The following SCHIP1 variants were observed in gnomAD, a reference collection of about 807,000 sequenced individuals.
SCHIP1 encodes the protein schwannomin-interacting protein 1.
In SCHIP1, 8 loss-of-function variants were observed where a neutral mutation model predicts 29.7. The ratio of observed to expected loss-of-function variants is 0.27; its 90% CI spans 0.16 to 0.49. The LOEUF is 0.49. SCHIP1 is among the 20% of genes least tolerant of loss of function. The pLI is 0.99. For missense variants in SCHIP1, 193 were observed against 294.6 expected (o/e 0.66, Z 2.52); for synonymous variants, 76 against 94.9 (o/e 0.80, Z 1.16).
At chr3:159,672,415 A>G in the SCHIP1 span, among the ~76,000 whole-genome samples, 13 of 152,386 alleles carry the variant, frequency 8.5e-5, no homozygotes, top group East Asian at 2.5e-3. Flanking sequence ...GGGTGCTGCT[A>G]TTTACACCAT....
chr3:159,507,723 A>G, the SCHIP1 span, among the ~76,000 whole-genome samples: 1 of 152,206 alleles, frequency 6.6e-6, no homozygotes, highest in Admixed American at 6.5e-5. Flanking sequence ...TATTGAGATA[A>G]TCATGTGGTT....
At chr3:159,650,851 CAT>C in the SCHIP1 span, among the ~76,000 whole-genome samples, 1 of 152,126 alleles carries the variant, frequency 6.6e-6, no homozygotes. Flanking sequence ...TTATGGGAAA[CAT>C]GTGGTACTGT....
chr3:159,336,964 T>C, the SCHIP1 span, among the ~76,000 whole-genome samples: 1,633 of 152,146 alleles, frequency 0.011, 16 homozygotes, highest in South Asian at 0.031. Context: ...ATTGATTCTT[T>C]ATACCCATGA....
At chr3:159,668,763 C>A in the SCHIP1 span, among the ~76,000 whole-genome samples, 1 of 152,124 alleles carries the variant, frequency 6.6e-6, no homozygotes, top group Admixed American at 6.5e-5. Context: ...GCTTTCCCTT[C>A]GACTCTTTCC....
the SCHIP1 span, chr3:159,765,299 G>C: frequency 1.2e-6 from 1 of 828,348 alleles, no homozygotes; most frequent in South Asian, 1.9e-5. Context: ...CTCCCCTGGG[G>C]ATAAGGTTGC....
chr3:159,546,592 GC>G, the SCHIP1 span, among the ~76,000 whole-genome samples: 2 of 152,008 alleles, frequency 1.3e-5, no homozygotes, highest in Non-Finnish European at 2.9e-5. Flanking sequence ...CTGCTGACAG[GC>G]CCTGGTGTGT....
intron 6 of SCHIP1, 47 bp from the exon 8 acceptor site, chr3:159,896,676 T>C: frequency 6.6e-7 from 1 of 1,521,514 alleles, no homozygotes. Flanking sequence ...AAAAGCAGTT[T>C]GGATCTCTCT....
At chr3:159,416,811 G>T in the SCHIP1 span, among the ~76,000 whole-genome samples, 1 of 152,134 alleles carries the variant, frequency 6.6e-6, no homozygotes, top group Non-Finnish European at 1.5e-5. Context: ...TCTGGGCAGG[G>T]CATTAAATTA....
At chr3:159,332,435 A>C in the SCHIP1 span, among the ~76,000 whole-genome samples, 2 of 152,160 alleles carry the variant, frequency 1.3e-5, no homozygotes, top group Non-Finnish European at 2.9e-5. Context: ...CCATTAAATC[A>C]TGTTAATTTT....
At chr3:159,633,317 A>G in the SCHIP1 span, among the ~76,000 whole-genome samples, 2 of 152,216 alleles carry the variant, frequency 1.3e-5, no homozygotes, top group African/African-American at 4.8e-5. Flanking sequence ...CCAGAGGGTG[A>G]CATGTATTAA....
chr3:159,833,663 T>G, the SCHIP1 span, among the ~76,000 whole-genome samples: 1 of 152,178 alleles, frequency 6.6e-6, no homozygotes, highest in African/African-American at 2.4e-5. Context: ...TTTTTACAGC[T>G]TCAACTGTCC....
the SCHIP1 span, chr3:159,764,943 T>A: frequency 6.7e-7 from 1 of 1,492,122 alleles, no homozygotes; most frequent in Non-Finnish European, 8.9e-7. The surrounding 1 kb of genome is among the most constrained non-coding windows in gnomAD (Gnocchi z 6.1). Context: ...CCCAGCCGGC[T>A]GGGGGCCGGC....
the SCHIP1 span, among the ~76,000 whole-genome samples, chr3:159,509,616 T>G: frequency 4.1e-4 from 62 of 152,352 alleles, no homozygotes; most frequent in Non-Finnish European, 8.5e-4. Flanking sequence ...TGGTTGTTCC[T>G]TTCCACGTTT....
chr3:159,895,933 T>C (rs573230994), intron 6 of SCHIP1, among the ~76,000 whole-genome samples: 1 of 152,292 alleles, frequency 6.6e-6, no homozygotes, highest in South Asian at 2.1e-4. Context: ...TGACCTCAGG[T>C]GATCCACCAG....
At chr3:159,631,449 C>T in the SCHIP1 span, among the ~76,000 whole-genome samples, 1 of 151,922 alleles carries the variant, frequency 6.6e-6, no homozygotes, top group Non-Finnish European at 1.5e-5. Context: ...GTTGACCAGC[C>T]AATGAACAAA....
chr3:159,887,591 G>A (rs1717089985), intron 3 of SCHIP1, 117 bp from the exon 5 acceptor site: 4 of 1,107,516 alleles, frequency 3.6e-6, no homozygotes, highest in African/African-American at 1.6e-5. Context: ...AAGTCACATT[G>A]AGGGAGGGAA....
the SCHIP1 span, among the ~76,000 whole-genome samples, chr3:159,526,382 C>T: frequency 6.6e-6 from 1 of 152,116 alleles, no homozygotes; most frequent in Non-Finnish European, 1.5e-5. Context: ...GTTGCCCAGG[C>T]TGGTCTCGAA....
At chr3:159,499,344 TC>T in the SCHIP1 span, among the ~76,000 whole-genome samples, 1 of 152,230 alleles carries the variant, frequency 6.6e-6, no homozygotes. Flanking sequence ...GCTGGCCATT[TC>T]TACTGCCTTT....
chr3:159,339,885 T>C, the SCHIP1 span, among the ~76,000 whole-genome samples: 1 of 152,154 alleles, frequency 6.6e-6, no homozygotes, highest in Non-Finnish European at 1.5e-5. Context: ...CAAAATTTAA[T>C]GTGTTGCATT....
Sources: allele counts gnomAD v4.1 joint callset (sites outside exome capture counted in the v4.1 genomes callset), GRCh38; gene constraint gnomAD v4.1.1; non-coding constraint Gnocchi (gnomAD v3.1); transcripts MANE v1.5; gene names NCBI Gene and HGNC (gene_info 2026-07-23, HGNC 2026-07-21).